Variants in COL19A1 observed in about 807,000 individuals in gnomAD.
COL19A1 encodes the protein collagen alpha-1(XIX) chain.
COL19A1 carries 159 observed loss-of-function variants against 190.2 expected under a neutral mutation model. The observed-to-expected ratio is 0.84, with a 90% CI of 0.73 to 0.95. COL19A1 has a LOEUF of 0.95. COL19A1 is among the 40% of genes least tolerant of loss of function. The probability of loss-of-function intolerance (pLI) is 0.00; values close to 1 mark genes in which losing one functional copy is unlikely to be tolerated. For missense variants in COL19A1, 1,418 were observed against 1,431.9 expected (o/e 0.99, Z 0.16); for synonymous variants, 509 against 458.9 (o/e 1.11, Z -1.39).
chr6:69,945,482 A>C lies in COL19A1; in HGVS notation c.936+7382A>C, dbSNP rs1276994261. Reference sequence around the variant, plus strand: ...ATTCTGTAACCATACCACAACAATAAAAATTAATTAAACCAAAATACGTTC... The same window carrying C: ...ATTCTGTAACCATACCACAACAATACAAATTAATTAAACCAAAATACGTTC... On this transcript the variant is annotated intron_variant, in intron 9 of 50. Transcript: ENST00000620364. Among the ~76,000 whole-genome samples the C allele has an allele frequency of 2.0e-5, 3 of 152,116 alleles. No individual in the cohort carries two copies. In the East Asian group the frequency reaches 5.8e-4, roughly 29 times the overall value.
chr6:70,058,147 G>A (rs1171606370), intron 14 of COL19A1, among the ~76,000 whole-genome samples: 1 of 151,924 alleles, frequency 6.6e-6, no homozygotes, highest in Middle Eastern at 3.4e-3. Context: ...GTTATTTCAG[G>A]ACCTATATAA....
intron 15 of COL19A1, among the ~76,000 whole-genome samples, chr6:70,086,405 T>C (rs1258274096): frequency 6.6e-6 from 1 of 151,940 alleles, no homozygotes; most frequent in Non-Finnish European, 1.5e-5. Context: ...CTCGTGAGAG[T>C]AGTTATCCCA....
rs1256569684 is a variant in COL19A1 at position 69,936,823 on chromosome 6, A to G, written c.786A>G (p.Ser262=). 3.1e-6 allele frequency: 5 copies of G among 1,613,136 alleles called. No homozygotes were observed. The highest frequency in any genetic ancestry group is 4.2e-6 in the Non-Finnish European group (5 of 1,179,294). The change falls in exon 8 of 51, where the codon TCA becomes TCG. Residue 262 remains serine, a synonymous_variant. Transcript: ENST00000620364. ...EQDGFGNIAS[S]WVTAHASKMS... Reference sequence around the variant, plus strand: ...ATGGCTTTGGAAATATTGCATCATCATGGGTAACTGCTCATGCCAGTAAAA... The same window carrying G: ...ATGGCTTTGGAAATATTGCATCATCGTGGGTAACTGCTCATGCCAGTAAAA...
intron 11 of COL19A1, among the ~76,000 whole-genome samples, chr6:70,020,174 C>T (rs1778339993): frequency 6.6e-6 from 1 of 152,080 alleles, no homozygotes; most frequent in South Asian, 2.1e-4. Flanking sequence ...ACCAATTGGA[C>T]TATTATTATA....
At chr6:70,006,463 T>C (rs1427315481) in intron 11 of COL19A1, among the ~76,000 whole-genome samples, 1 of 152,184 alleles carries the variant, frequency 6.6e-6, no homozygotes, top group African/African-American at 2.4e-5. Context: ...CTATGGATCA[T>C]GCCAGTCACC....
chr6:69,928,116 C>A, intron 5 of COL19A1, 84 bp downstream of exon 5: 2 of 1,524,776 alleles, frequency 1.3e-6, no homozygotes, highest in Non-Finnish European at 1.8e-6. Context: ...CACAAATTTG[C>A]GAGTAGATCT....
intron 12 of COL19A1, among the ~76,000 whole-genome samples, chr6:70,028,278 T>A (rs1469146198): frequency 6.6e-6 from 1 of 152,114 alleles, no homozygotes; most frequent in Admixed American, 6.6e-5. Context: ...GTAGGCAATT[T>A]TGAGAGGTAG....
At chr6:69,991,939 A>G (rs1350787222) in intron 11 of COL19A1, among the ~76,000 whole-genome samples, 1 of 151,956 alleles carries the variant, frequency 6.6e-6, no homozygotes, top group Non-Finnish European at 1.5e-5. Context: ...TTTTCATTAC[A>G]ATTGCTTTTG....
chr6:70,152,183 A>G (rs938987769), intron 31 of COL19A1, among the ~76,000 whole-genome samples: 2 of 152,064 alleles, frequency 1.3e-5, no homozygotes, highest in Non-Finnish European at 2.9e-5. Context: ...TCATACTCAA[A>G]CACAGTGTGT....
intron 11 of COL19A1, among the ~76,000 whole-genome samples, chr6:69,977,319 A>C (rs186107521): frequency 6.7e-6 from 1 of 149,230 alleles, no homozygotes; most frequent in South Asian, 2.2e-4. Flanking sequence ...AAGGACAAAA[A>C]GCCAAACACC....
intron 19 of COL19A1, among the ~76,000 whole-genome samples, chr6:70,138,557 C>T (rs1786025338): frequency 6.6e-6 from 1 of 152,098 alleles, no homozygotes; most frequent in African/African-American, 2.4e-5. Flanking sequence ...CTTTACGAGA[C>T]TGAATAAAGG....
intron 11 of COL19A1, among the ~76,000 whole-genome samples, chr6:70,002,222 A>G (rs1474806330): frequency 6.6e-6 from 1 of 152,150 alleles, no homozygotes; most frequent in Non-Finnish European, 1.5e-5. Context: ...AGCCAACTTG[A>G]TCATGGTGGA....
chr6:70,066,261 A>G (rs921070066), intron 14 of COL19A1, among the ~76,000 whole-genome samples: 2 of 152,222 alleles, frequency 1.3e-5, no homozygotes, highest in Admixed American at 6.5e-5. Context: ...ATGGAATACT[A>G]TGCAGCCATA....
chr6:70,140,861 A>G, intron 19 of COL19A1, 93 bp from the exon 20 acceptor site: 3 of 1,146,694 alleles, frequency 2.6e-6, no homozygotes, highest in South Asian at 1.3e-5. Context: ...TGCAATGGGA[A>G]TCTGAGTTTG....
At chr6:70,020,711 A>G (rs999461223) in intron 11 of COL19A1, among the ~76,000 whole-genome samples, 3 of 152,120 alleles carry the variant, frequency 2.0e-5, no homozygotes, top group Non-Finnish European at 2.9e-5. Flanking sequence ...GAGGCTGGCT[A>G]CTGGCTTTTA....
At chr6:69,981,165 T>C (rs991650449) in intron 11 of COL19A1, among the ~76,000 whole-genome samples, 4 of 152,186 alleles carry the variant, frequency 2.6e-5, no homozygotes, top group African/African-American at 4.8e-5. Flanking sequence ...TAGTATTACT[T>C]GTTAGGTATA....
In COL19A1 at chr6:70,209,664, T is replaced by G. The variant is rs1241223891; in HGVS notation, c.*2390T>G. On this transcript the variant is annotated 3_prime_UTR_variant, in exon 51 of 51. Transcript: ENST00000620364. ...ATATTGTGTGATGCATATTACAAAG[T>G]GGACTTGTCACAATGACACAAACTC... 1 of 152,210 alleles carries G rather than the reference T, an allele frequency of 6.6e-6. No individual in the cohort carries two copies. Among genetic ancestry groups the G allele is most frequent in the Non-Finnish European group, 1.5e-5 (1 of 68,040 alleles). The allele number at this position is 152,210 out of a possible 1,614,324, so 9.4% of individuals were successfully genotyped here. A position where few individuals can be genotyped will look rare whatever the true frequency, so the allele number is the denominator to read the frequency against.
At chr6:70,045,695 C>T (rs559072040) in intron 14 of COL19A1, among the ~76,000 whole-genome samples, 5 of 152,274 alleles carry the variant, frequency 3.3e-5, no homozygotes, top group Admixed American at 1.3e-4. Flanking sequence ...AGCTTATACG[C>T]AGAATTTTGG....
chr6:69,934,626 G>A (rs1046109912), intron 7 of COL19A1, among the ~76,000 whole-genome samples: 7 of 151,796 alleles, frequency 4.6e-5, no homozygotes, highest in African/African-American at 1.7e-4. Context: ...ATGAACAAAA[G>A]ATTTTTAAAT....
Sources: allele counts gnomAD v4.1 joint callset (sites outside exome capture counted in the v4.1 genomes callset), GRCh38; gene constraint gnomAD v4.1.1; transcripts MANE v1.5; gene names NCBI Gene and HGNC (gene_info 2026-07-23, HGNC 2026-07-21).